RELL1: variants seen among roughly 807,000 people sequenced by gnomAD.
RELL1 encodes the protein RELT like 1, also known as RELT-like protein 1.
Under a neutral mutation model 23.0 loss-of-function variants are expected in RELL1, and 10 were observed. That is an observed-to-expected ratio of 0.43 (90% CI 0.27 to 0.74). RELL1 has a LOEUF of 0.74. RELL1 is among the 30% of genes least tolerant of loss of function. The pLI, the probability that RELL1 is intolerant of heterozygous loss-of-function variation, is 0.19. For missense variants in RELL1, 315 were observed against 364.4 expected, an observed-to-expected ratio of 0.86 and a Z score of 1.10; for synonymous variants, 146 against 146.8, an observed-to-expected ratio of 0.99 and a Z score of 0.04.
At chr4:37,646,085 A>C (rs1053279346) in intron 3 of RELL1, among the ~76,000 whole-genome samples, 1 of 152,228 alleles carries the variant, frequency 6.6e-6, no homozygotes, top group Non-Finnish European at 1.5e-5. Flanking sequence ...CATGCTGGCT[A>C]AAGCACAGAC....
intron 1 of RELL1, among the ~76,000 whole-genome samples, chr4:37,681,991 T>C (rs1331002383): frequency 1.3e-5 from 2 of 152,314 alleles, no homozygotes; most frequent in East Asian, 3.9e-4. Context: ...AAGCATGGAC[T>C]TCAAAATCAA....
chr4:37,617,248 T>C (rs1359247677), intron 6 of RELL1, among the ~76,000 whole-genome samples: 1 of 152,232 alleles, frequency 6.6e-6, no homozygotes, highest in African/African-American at 2.4e-5. Context: ...TCCAGGACTC[T>C]GCTTTCCTAT....
chr4:37,651,148 G>C (rs1312056336), intron 1 of RELL1, among the ~76,000 whole-genome samples: 1 of 152,012 alleles, frequency 6.6e-6, no homozygotes, highest in Non-Finnish European at 1.5e-5. Context: ...CACTATAAAT[G>C]TGTTAGCTAC....
chr4:37,632,496 C>T (rs1720178497), intron 5 of RELL1, among the ~76,000 whole-genome samples: 1 of 152,116 alleles, frequency 6.6e-6, no homozygotes, highest in Admixed American at 6.5e-5. Flanking sequence ...ACCACAGAAA[C>T]CTGGTTAAAT....
downstream of RELL1, among the ~76,000 whole-genome samples, chr4:37,607,148 A>T (rs1465620673): frequency 6.6e-6 from 1 of 152,234 alleles, no homozygotes; most frequent in Admixed American, 6.5e-5. Context: ...AAAAGACTAA[A>T]GGGCAACCAC....
intron 1 of RELL1, among the ~76,000 whole-genome samples, chr4:37,653,630 G>C (rs183128138): frequency 2.7e-4 from 41 of 152,138 alleles, no homozygotes; most frequent in Non-Finnish European, 5.0e-4. Context: ...AAAATTATTT[G>C]ATACTGCTTC....
chr4:37,649,196 G>T, intron 2 of RELL1, 80 bp downstream of exon 2: 1 of 1,133,220 alleles, frequency 8.8e-7, no homozygotes, highest in Non-Finnish European at 1.3e-6. Flanking sequence ...CTGCCTCAGA[G>T]AGATGGAAAG....
intron 1 of RELL1, among the ~76,000 whole-genome samples, chr4:37,650,445 T>C (rs964466785): frequency 6.6e-6 from 1 of 152,186 alleles, no homozygotes; most frequent in Non-Finnish European, 1.5e-5. Flanking sequence ...ACGTAGCCCC[T>C]GCCATCTTGA....
chr4:37,618,648 A>G (rs1719656949), intron 6 of RELL1, among the ~76,000 whole-genome samples: 1 of 152,206 alleles, frequency 6.6e-6, no homozygotes, highest in Non-Finnish European at 1.5e-5. Context: ...GGTACTTGCT[A>G]CTATGTAAAT....
Position 37,655,663 on chromosome 4 carries a change from C to T in RELL1, c.89-6163G>A, listed in dbSNP as rs745733657. 3.2e-4 allele frequency among the ~76,000 whole-genome samples: 48 copies of T among 152,290 alleles called. No homozygotes were observed. In the South Asian group the frequency reaches 3.7e-3, roughly 12 times the overall value. On this transcript the variant is annotated intron_variant, in intron 1 of 6. Transcript: ENST00000454158. ...GTGGTACTTTGTGAGGCAGCTCTAG[C>T]AAACGAATTCACTTGGCATCTTGAG...
chr4:37,653,344 CTCAATACAAGTATTGAAACCTCAATAT>C (rs761006877), intron 1 of RELL1, among the ~76,000 whole-genome samples: 42,650 of 110,600 alleles, frequency 0.39, 13,306 homozygotes, highest in East Asian at 0.78. Context: ...GTATTGAAAC[CTCAATACAAGTATTGAAACCTCAATAT>C]TCAATACAAG....
intron 5 of RELL1, among the ~76,000 whole-genome samples, chr4:37,634,561 C>A (rs1720252588): frequency 6.6e-6 from 1 of 152,220 alleles, no homozygotes; most frequent in Non-Finnish European, 1.5e-5. Context: ...AAGAGCCACC[C>A]ATTGATATCT....
chr4:37,675,571 T>C (rs1040005871), intron 1 of RELL1, among the ~76,000 whole-genome samples: 22 of 152,294 alleles, frequency 1.4e-4, no homozygotes, highest in African/African-American at 4.8e-4. Flanking sequence ...ACAAACATGG[T>C]GGAAACAATT....
At chr4:37,656,955 G>A (rs1207879566) in intron 1 of RELL1, among the ~76,000 whole-genome samples, 1 of 152,128 alleles carries the variant, frequency 6.6e-6, no homozygotes, top group African/African-American at 2.4e-5. Context: ...TATAGCAACA[G>A]AAAACAAATG....
downstream of RELL1, among the ~76,000 whole-genome samples, chr4:37,586,520 A>C (rs1273633643): frequency 6.6e-6 from 1 of 152,212 alleles, no homozygotes; most frequent in Admixed American, 6.5e-5. Context: ...AAGAGTTGGA[A>C]GGACAAGGGG....
intron 1 of RELL1, among the ~76,000 whole-genome samples, chr4:37,676,507 C>T (rs77013597): frequency 9.6e-4 from 146 of 152,254 alleles, no homozygotes; most frequent in African/African-American, 2.3e-3. Flanking sequence ...ATTTGGGTTT[C>T]GAAAATCTCT....
At chr4:37,604,012 G>A (rs1719085396) in intron 6 of RELL1, among the ~76,000 whole-genome samples, 2 of 152,132 alleles carry the variant, frequency 1.3e-5, no homozygotes, top group Non-Finnish European at 2.9e-5. Flanking sequence ...CAAAGAGTCA[G>A]GGTTTTTTCA....
intron 4 of RELL1, among the ~76,000 whole-genome samples, chr4:37,635,896 A>C (rs1044184389): frequency 1.3e-5 from 2 of 152,246 alleles, no homozygotes; most frequent in Non-Finnish European, 2.9e-5. Flanking sequence ...AAAACATTTG[A>C]TCAAATCTCC....
chr4:37,612,328 AAAAAAAAAAAC>A lies in RELL1; in HGVS notation c.*1007_*1017del, dbSNP rs769819061. Among the ~76,000 whole-genome samples, 3,917 of 39,470 alleles carry A rather than the reference AAAAAAAAAAAC, an allele frequency of 0.099. 184 individuals carry two copies. Among genetic ancestry groups the A allele is most frequent in the Admixed American group, 0.31 (1,659 of 5,332 alleles). The allele number at this position is 39,470 out of a possible 152,430, so 25.9% of individuals were successfully genotyped here. The stretch of plus-strand genomic sequence containing the variant: ...GAATCGCTCAGCTAAAGGTTAAAAA[AAAAAAAAAAAC>A]AAAAAAAAACAAAAAACCGGGTGCA... On this transcript the variant is annotated 3_prime_UTR_variant, in exon 7 of 7. Transcript: ENST00000454158.
Sources: gnomAD v4.1 joint callset for allele counts (sites outside exome capture counted in the v4.1 genomes callset) on GRCh38, gnomAD v4.1.1 for gene constraint, MANE v1.5 for transcripts, NCBI Gene and HGNC (gene_info 2026-07-23, HGNC 2026-07-21) for gene names.